DIAPH2: variants seen among roughly 807,000 people sequenced by gnomAD.
DIAPH2 encodes protein diaphanous homolog 2.
A neutral mutation model predicts 92.7 loss-of-function variants in DIAPH2; 35 were observed. The ratio of observed to expected loss-of-function variants is 0.38; its 90% CI spans 0.29 to 0.50. The LOEUF (loss-of-function observed/expected upper bound fraction) is 0.50, where lower values mean the gene tolerates loss of function less well. Ranked by LOEUF, DIAPH2 falls within the 20% of genes least tolerant of loss-of-function variation. The pLI, the probability that DIAPH2 is intolerant of heterozygous loss-of-function variation, is 0.94. For missense variants in DIAPH2, 701 were observed against 819.5 expected, an observed-to-expected ratio of 0.86 and a Z score of 1.77; for synonymous variants, 301 against 280.4, an observed-to-expected ratio of 1.07 and a Z score of -0.73.
chrX:96,830,746 A>G (rs1422964495), intron 4 of DIAPH2, among the ~76,000 whole-genome samples: 1 of 110,474 alleles, frequency 9.1e-6, no homozygotes, highest in East Asian at 2.8e-4. Context: ...CAGCAATGAC[A>G]TAACATTTGA....
chrX:96,997,241 T>C (rs1348498629), intron 17 of DIAPH2, among the ~76,000 whole-genome samples: 3 of 112,312 alleles, frequency 2.7e-5, no homozygotes, highest in Non-Finnish European at 5.6e-5. Context: ...TTTTGTTATC[T>C]ATACTTAGAG....
chrX:97,121,949 T>G (rs1027046740), intron 21 of DIAPH2, among the ~76,000 whole-genome samples: 23 of 111,873 alleles, frequency 2.1e-4, no homozygotes, highest in African/African-American at 6.8e-4. Flanking sequence ...TTTTGCAAAT[T>G]AGAAAACTAA....
intron 22 of DIAPH2, among the ~76,000 whole-genome samples, chrX:97,239,033 G>A (rs2068071027): frequency 9.0e-6 from 1 of 111,406 alleles, no homozygotes; most frequent in East Asian, 2.8e-4. Flanking sequence ...GAAGTGCTCC[G>A]TTAATTTGTC....
intron 23 of DIAPH2, among the ~76,000 whole-genome samples, chrX:97,277,957 T>G (rs2068465107): frequency 8.9e-6 from 1 of 112,096 alleles, no homozygotes; most frequent in Non-Finnish European, 1.9e-5. Context: ...GCGATTTTCC[T>G]GCCTAAGCCT....
At chrX:96,888,322 G>A (rs2065278740) in intron 5 of DIAPH2, among the ~76,000 whole-genome samples, 1 of 108,744 alleles carries the variant, frequency 9.2e-6, no homozygotes, top group African/African-American at 3.3e-5. Flanking sequence ...GCCTCCCAGA[G>A]TGCTGGGATT....
At chrX:97,356,007 G>A (rs1291021560) in intron 24 of DIAPH2, among the ~76,000 whole-genome samples, 1 of 111,893 alleles carries the variant, frequency 8.9e-6, no homozygotes, top group Admixed American at 9.6e-5. Flanking sequence ...GCTTGGGGTT[G>A]CCTTTAATGA....
At chrX:97,263,516 C>T (rs952863667) in intron 23 of DIAPH2, among the ~76,000 whole-genome samples, 1 of 111,207 alleles carries the variant, frequency 9.0e-6, no homozygotes, top group Non-Finnish European at 1.9e-5. Flanking sequence ...ACTATACATT[C>T]TTATAGCTTA....
chrX:97,595,533 G>A (rs965000721), intron 26 of DIAPH2, among the ~76,000 whole-genome samples: 4 of 111,657 alleles, frequency 3.6e-5, no homozygotes, highest in South Asian at 3.8e-4. Context: ...TTTTGGCCAC[G>A]CTTTCTCCAT....
chrX:97,477,231 G>C (rs1232285763), intron 26 of DIAPH2, among the ~76,000 whole-genome samples: 2 of 108,592 alleles, frequency 1.8e-5, no homozygotes, highest in African/African-American at 6.7e-5. Context: ...TTGGGAGGCT[G>C]AGGCAGGGAG....
chrX:96,706,534 G>A (rs954612529), intron 1 of DIAPH2, among the ~76,000 whole-genome samples: 5 of 112,226 alleles, frequency 4.5e-5, no homozygotes, highest in Admixed American at 3.8e-4. Context: ...TTGGGGATCT[G>A]GATGGGAGAA....
chrX:97,375,621 C>T, intron 24 of DIAPH2, among the ~76,000 whole-genome samples: 1 of 111,999 alleles, frequency 8.9e-6, no homozygotes, highest in Non-Finnish European at 1.9e-5. Flanking sequence ...ATAGAATTGC[C>T]TTTCCTGTTT....
Position 97,072,986 on chromosome X carries a change from C to G in DIAPH2, c.2096C>G (p.Thr699Arg). ...EALEEKKTGP[T>R]KKKVKELRIL... ...TTAGAAGAAAAGAAGACTGGGCCTACAAAGAAGAAAGTGAAAGAACTGAGA... is the reference window on the plus strand; with the variant it reads ...TTAGAAGAAAAGAAGACTGGGCCTAGAAAGAAGAAAGTGAAAGAACTGAGA... Residue 699 changes from threonine (T) to arginine (R), a missense_variant, in exon 18 of 27, where the codon ACA becomes AGA. By Grantham distance (71) the Thr-to-Arg change is moderately conservative. This residue lies in a region of DIAPH2 where 536 missense variants were observed against 599.3 expected (regional missense o/e 0.89). Coordinates refer to ENST00000324765, the MANE Select transcript of DIAPH2 (RefSeq NM_006729.5). The G allele has an allele frequency of 8.3e-7, 1 of 1,202,614 alleles. No individual in the cohort carries two copies. Among genetic ancestry groups the G allele is most frequent in the Non-Finnish European group, 1.1e-6 (1 of 892,498 alleles).
At chrX:96,832,485 C>G (rs1234152122) in intron 4 of DIAPH2, among the ~76,000 whole-genome samples, 1 of 110,183 alleles carries the variant, frequency 9.1e-6, no homozygotes, top group East Asian at 2.8e-4. Flanking sequence ...CCTAAAAGAC[C>G]AGTGGCAATA....
At chrX:97,387,382 G>A (rs1252590353) in intron 25 of DIAPH2, among the ~76,000 whole-genome samples, 2 of 112,406 alleles carry the variant, frequency 1.8e-5, no homozygotes, top group Non-Finnish European at 3.7e-5. Flanking sequence ...TACACACACA[G>A]ATTTATTTTA....
chrX:97,119,023 A>G (rs2067035975), intron 21 of DIAPH2, among the ~76,000 whole-genome samples: 1 of 111,530 alleles, frequency 9.0e-6, no homozygotes, highest in Admixed American at 9.5e-5. Flanking sequence ...GATTAGCGTA[A>G]TAACCAACAT....
At chrX:97,299,958 T>G (rs1376592159) in intron 23 of DIAPH2, among the ~76,000 whole-genome samples, 1 of 112,097 alleles carries the variant, frequency 8.9e-6, no homozygotes, top group South Asian at 3.7e-4. Flanking sequence ...CTAGCTGATA[T>G]TTGTTTATTG....
chrX:96,857,406 ATTACT>A lies in DIAPH2; in HGVS notation c.448-24169_448-24165del, dbSNP rs200385660. 6.6e-3 allele frequency among the ~76,000 whole-genome samples: 745 copies of A among 112,504 alleles called. 3 individuals carry two copies. The highest frequency in any genetic ancestry group is 0.023 in the African/African-American group (715 of 30,993). On this transcript the variant is annotated intron_variant, in intron 4 of 26. Transcript: ENST00000324765. ...CAAAAATGTTCAGAAATTACAAGTC[ATTACT>A]TTAATAAAAAGTTTATCATAGTACT...
At chrX:97,244,108 A>G (rs1485993602) in intron 22 of DIAPH2, among the ~76,000 whole-genome samples, 1 of 112,160 alleles carries the variant, frequency 8.9e-6, no homozygotes, top group Non-Finnish European at 1.9e-5. Context: ...CAAAAAGTAC[A>G]TATGAAATGG....
intron 3 of DIAPH2, among the ~76,000 whole-genome samples, chrX:96,746,730 A>G (rs2064152793): frequency 1.0e-5 from 1 of 97,509 alleles, no homozygotes; most frequent in Non-Finnish European, 2.1e-5. Flanking sequence ...ATTGTTTTGT[A>G]GAGTGTGGGT....
Sources: gnomAD v4.1 joint callset for allele counts (sites outside exome capture counted in the v4.1 genomes callset) on GRCh38, gnomAD v4.1.1 for gene constraint, gnomAD v4.1.1 regional missense constraint, MANE v1.5 for transcripts, NCBI Gene and HGNC (gene_info 2026-07-23, HGNC 2026-07-21) for gene names.